Variants in TMEM150C observed in about 807,000 individuals in gnomAD.
TMEM150C encodes the protein transmembrane protein 150C, also known as tentonin 3.
Under a neutral mutation model 29.9 loss-of-function variants are expected in TMEM150C, and 10 were observed. That is an observed-to-expected ratio of 0.33 (90% CI 0.21 to 0.57). TMEM150C has a LOEUF of 0.57. Among genes scored for constraint, TMEM150C ranks in the 20% least tolerant of loss-of-function variants. TMEM150C has a pLI of 0.88. For missense variants in TMEM150C, 251 were observed against 303.6 expected (o/e 0.83, Z 1.29); for synonymous variants, 101 against 112.5 (o/e 0.90, Z 0.64).
intron 1 of TMEM150C, among the ~76,000 whole-genome samples, chr4:82,524,599 C>T (rs2110080079): frequency 6.6e-6 from 1 of 152,324 alleles, no homozygotes; most frequent in South Asian, 2.1e-4. Flanking sequence ...TTTTCATTCA[C>T]TTGACAAGTA....
At chr4:82,539,656 G>A (rs1489434562) in intron 1 of TMEM150C, among the ~76,000 whole-genome samples, 1 of 152,154 alleles carries the variant, frequency 6.6e-6, no homozygotes, top group Non-Finnish European at 1.5e-5. Flanking sequence ...GTTTCACCGT[G>A]TTAGCCGGTA....
At position 82,490,327 on chromosome 4, in the gene TMEM150C, T is replaced by C; in HGVS notation, c.364-89A>G. ...GGAATGAATATATGAGGGGAAAAGA[T>C]AGGAAAAGAAATATCCCAATAATGG... is the stretch of plus-strand genomic sequence containing the variant. On this transcript the variant is annotated intron_variant, in intron 6 of 7. Coordinates refer to ENST00000449862, the MANE Select transcript of TMEM150C (RefSeq NM_001080506.3). 3.5e-6 allele frequency: 4 copies of C among 1,153,398 alleles called. 1 individual carries two copies. In the Admixed American group the frequency reaches 6.1e-5, roughly 18 times the overall value. The allele number at this position is 1,153,398 out of a possible 1,614,324, so 71.4% of individuals were successfully genotyped here.
intron 1 of TMEM150C, among the ~76,000 whole-genome samples, chr4:82,550,517 G>T (rs567140914): frequency 1.3e-5 from 2 of 152,144 alleles, no homozygotes; most frequent in Admixed American, 1.3e-4. Flanking sequence ...AGAGCTGGAA[G>T]GAGCCAGGCA....
intron 1 of TMEM150C, among the ~76,000 whole-genome samples, chr4:82,512,800 T>A (rs1042233402): frequency 2.6e-5 from 4 of 152,150 alleles, no homozygotes; most frequent in Admixed American, 2.6e-4. Flanking sequence ...GTTATATATA[T>A]TTCACCAAAA....
chr4:82,508,032 C>G (rs1197649755), intron 1 of TMEM150C, among the ~76,000 whole-genome samples: 1 of 152,102 alleles, frequency 6.6e-6, no homozygotes, highest in Non-Finnish European at 1.5e-5. Context: ...ACTTTGTTAA[C>G]TTTGCCTTAC....
intron 1 of TMEM150C, among the ~76,000 whole-genome samples, chr4:82,533,176 TTATAAC>T (rs113527188): frequency 0.26 from 39,533 of 151,814 alleles, 7,006 homozygotes; most frequent in African/African-American, 0.51. Flanking sequence ...TTTTAACTGG[TTATAAC>T]TATAACATCT....
chr4:82,540,885 T>C (rs1205432130), intron 1 of TMEM150C, among the ~76,000 whole-genome samples: 5 of 152,246 alleles, frequency 3.3e-5, no homozygotes, highest in African/African-American at 1.2e-4. Context: ...CAATGTATTG[T>C]CATTAGCTCT....
intron 1 of TMEM150C, among the ~76,000 whole-genome samples, chr4:82,531,713 C>G (rs1391998780): frequency 2.8e-5 from 4 of 144,008 alleles, no homozygotes; most frequent in African/African-American, 1.0e-4. Flanking sequence ...CGAGATTGCA[C>G]CATTGCACTC....
chr4:82,515,270 A>T (rs1578135672), intron 1 of TMEM150C, among the ~76,000 whole-genome samples: 1 of 152,156 alleles, frequency 6.6e-6, no homozygotes, highest in East Asian at 1.9e-4. Flanking sequence ...TGACATATAC[A>T]ATTTTTAGAA....
chr4:82,542,000 ATTGAT>A (rs762627857), intron 1 of TMEM150C, among the ~76,000 whole-genome samples: 1 of 152,186 alleles, frequency 6.6e-6, no homozygotes, highest in Non-Finnish European at 1.5e-5. Flanking sequence ...GAAAAATGTT[ATTGAT>A]TTATTTTTTT....
chr4:82,523,697 CTTTT>C (rs376571700), intron 1 of TMEM150C, among the ~76,000 whole-genome samples: 41 of 146,132 alleles, frequency 2.8e-4, no homozygotes, highest in African/African-American at 9.2e-4. Flanking sequence ...ACACAAATAA[CTTTT>C]TTTTTTTTTT....
At chr4:82,553,108 T>C (rs1251706528) in intron 1 of TMEM150C, among the ~76,000 whole-genome samples, 4 of 152,346 alleles carry the variant, frequency 2.6e-5, no homozygotes, top group Admixed American at 2.6e-4. Flanking sequence ...CTGGTCTCTG[T>C]TCCAGTTACT....
intron 1 of TMEM150C, among the ~76,000 whole-genome samples, chr4:82,528,868 C>T (rs1209459048): frequency 6.6e-6 from 1 of 152,088 alleles, no homozygotes; most frequent in South Asian, 2.1e-4. Flanking sequence ...TATCCTTGTC[C>T]TCTTTACCTA....
At chr4:82,491,088 A>AC in intron 6 of TMEM150C, 1 of 708,980 alleles carries the variant, frequency 1.4e-6, no homozygotes, top group Non-Finnish European at 2.6e-6. Flanking sequence ...GCAGCAAGAG[A>AC]CCCCCATTTT....
At chr4:82,562,062 G>A, upstream of TMEM150C, 8 of 1,142,732 alleles carry the variant, frequency 7.0e-6, no homozygotes, top group Non-Finnish European at 8.7e-6. Context: ...GCCGGGGCCC[G>A]CCCCCGACTT....
intron 1 of TMEM150C, among the ~76,000 whole-genome samples, chr4:82,542,931 A>T (rs544712823): frequency 1.1e-4 from 16 of 152,354 alleles, no homozygotes; most frequent in African/African-American, 3.8e-4. Flanking sequence ...ACCTCATGGA[A>T]TACATATTAC....
At chr4:82,552,901 G>A (rs1725627620) in intron 1 of TMEM150C, among the ~76,000 whole-genome samples, 1 of 152,214 alleles carries the variant, frequency 6.6e-6, no homozygotes. Flanking sequence ...GAAGAACCCA[G>A]TGGAAGGGTG....
chr4:82,514,998 G>T (rs895687718), intron 1 of TMEM150C, among the ~76,000 whole-genome samples: 11 of 152,196 alleles, frequency 7.2e-5, no homozygotes, highest in African/African-American at 2.4e-4. Flanking sequence ...GTTAATTGAA[G>T]CCCAAACACC....
rs1053704057 is a variant in TMEM150C at position 82,484,290 on chromosome 4, CA to C, written c.*1220del. ...TACGGTCTGAGTTCTGAACTCTCAG[CA>C]GGTGGGAACTGGGAACTGCGGGTTG... is the stretch of plus-strand genomic sequence containing the variant. On this transcript the variant is annotated 3_prime_UTR_variant, in exon 8 of 8. Transcript: ENST00000449862. 7 of 151,924 alleles carry C rather than the reference CA, an allele frequency of 4.6e-5. No individual in the cohort carries two copies. Among genetic ancestry groups the C allele is most frequent in the African/African-American group, 1.7e-4 (7 of 41,326 alleles). The allele number at this position is 151,924 out of a possible 1,614,324, so 9.4% of individuals were successfully genotyped here.
Sources: gnomAD v4.1 joint callset for allele counts (sites outside exome capture counted in the v4.1 genomes callset) on GRCh38, gnomAD v4.1.1 for gene constraint, MANE v1.5 for transcripts, NCBI Gene and HGNC (gene_info 2026-07-23, HGNC 2026-07-21) for gene names.